Variants in DOCK2 observed in about 807,000 individuals in gnomAD.
The protein encoded by DOCK2 is dedicator of cytokinesis 2.
A neutral mutation model predicts 248.9 loss-of-function variants in DOCK2; 87 were observed. The ratio of observed to expected loss-of-function variants is 0.35; its 90% CI spans 0.29 to 0.42. The LOEUF (loss-of-function observed/expected upper bound fraction) is 0.42. DOCK2 is among the 10% of genes least tolerant of loss of function. The pLI is 1.00. For missense variants in DOCK2, 1,747 were observed against 2,300.2 expected, an observed-to-expected ratio of 0.76 and a Z score of 4.92; for synonymous variants, 805 against 821.6, an observed-to-expected ratio of 0.98 and a Z score of 0.35.
chr5:169,984,775 C>A (rs1778023662), intron 28 of DOCK2, among the ~76,000 whole-genome samples: 1 of 152,078 alleles, frequency 6.6e-6, no homozygotes, highest in Non-Finnish European at 1.5e-5. Context: ...AATTTGAAAA[C>A]CACCAACTTA....
At chr5:169,642,945 GT>G (rs558853493) in intron 1 of DOCK2, among the ~76,000 whole-genome samples, 10 of 147,704 alleles carry the variant, frequency 6.8e-5, no homozygotes, top group South Asian at 2.2e-4. Context: ...CTTTGGATTT[GT>G]TTTTTTTTTC....
In DOCK2 at chr5:169,654,489, G is replaced by A; in HGVS notation, c.127+3G>A. On this transcript the variant is annotated splice_donor_region_variant and intron_variant, in intron 2 of 51. Transcript: ENST00000520908. ...GCGAATACAGGAGACGTGTGGAGGT[G>A]AGTCACTGGCCCACGCCCCAAGTGC... The A allele has an allele frequency of 6.2e-7, 1 of 1,614,130 alleles. No homozygotes were observed. The highest frequency in any genetic ancestry group is 2.2e-5 in the East Asian group (1 of 44,894).
chr5:169,874,087 G>T (rs943167495), intron 27 of DOCK2, among the ~76,000 whole-genome samples: 3 of 147,042 alleles, frequency 2.0e-5, no homozygotes, highest in African/African-American at 7.4e-5. Context: ...TGGTCCAGAA[G>T]AATTTATGAG....
At chr5:170,079,258 G>T in intron 49 of DOCK2, 112 bp downstream of exon 49, 1 of 1,392,292 alleles carries the variant, frequency 7.2e-7, no homozygotes, top group Non-Finnish European at 9.7e-7. Context: ...TGCCACTGCG[G>T]TGCTATGGGT....
chr5:169,769,534 A>T (rs2113765616), intron 25 of DOCK2, among the ~76,000 whole-genome samples: 1 of 152,356 alleles, frequency 6.6e-6, no homozygotes, highest in South Asian at 2.1e-4. Context: ...TGCAGATATT[A>T]CCCTGATTCC....
Position 170,027,932 on chromosome 5 carries a change from C to G in DOCK2, c.3451C>G (p.Gln1151Glu), listed in dbSNP as rs1210969507. The change falls in exon 34 of 52, where the codon CAG (glutamine) becomes GAG (glutamate). Residue 1151 changes from glutamine to glutamate, a missense_variant. Physicochemically the swap from Gln to Glu is conservative, Grantham distance 29. Transcript: ENST00000520908. ...GGGCCGAGGCGACGAGCAGTACATG[C>G]AGCTCCTGGAGTCAATGTAAGTTCA... is the stretch of plus-strand genomic sequence containing the variant. Reference protein sequence around the residue: ...EGGRGDEQYMQLLESILMECA... With the variant: ...EGGRGDEQYMELLESILMECA... 13 of 1,613,086 alleles carry G rather than the reference C, an allele frequency of 8.1e-6. 1 individual carries two copies. The highest frequency in any genetic ancestry group is 6.7e-5 in the Admixed American group (4 of 59,950).
At chr5:170,022,986 G>C (rs1299982718) in intron 33 of DOCK2, among the ~76,000 whole-genome samples, 2 of 152,198 alleles carry the variant, frequency 1.3e-5, no homozygotes, top group Admixed American at 6.5e-5. Flanking sequence ...GACTGCTTGA[G>C]TAATCCCCTT....
At chr5:170,080,314 A>G in intron 50 of DOCK2, 31 bp downstream of exon 50, 1 of 1,612,930 alleles carries the variant, frequency 6.2e-7, no homozygotes, top group Non-Finnish European at 8.5e-7. Context: ...AGCATGAGGG[A>G]GTAGAGATAG....
At chr5:170,032,700 T>C (rs557299809) in intron 34 of DOCK2, among the ~76,000 whole-genome samples, 7 of 152,326 alleles carry the variant, frequency 4.6e-5, no homozygotes, top group African/African-American at 1.4e-4. Flanking sequence ...GCATCTCCCA[T>C]TGAGAGCCAG....
chr5:170,063,807 C>T (rs920909759), intron 44 of DOCK2, among the ~76,000 whole-genome samples: 1 of 152,274 alleles, frequency 6.6e-6, no homozygotes, highest in East Asian at 1.9e-4. Flanking sequence ...GGTCCAATTT[C>T]AACAACTATA....
chr5:169,864,193 G>GGGCA, intron 27 of DOCK2: 1 of 1,268,800 alleles, frequency 7.9e-7, no homozygotes, highest in Non-Finnish European at 1.1e-6. Flanking sequence ...CAAAGAAGCA[G>GGGCA]GGCAGGCCTT....
chr5:169,653,420 T>C (rs1367169892), intron 1 of DOCK2, among the ~76,000 whole-genome samples: 1 of 152,194 alleles, frequency 6.6e-6, no homozygotes, highest in Non-Finnish European at 1.5e-5. Context: ...TTTGTAGCTG[T>C]CACCAGCTAG....
intron 27 of DOCK2, among the ~76,000 whole-genome samples, chr5:169,938,725 T>A (rs259907): frequency 0.06 from 9,117 of 152,188 alleles, 633 homozygotes; most frequent in African/African-American, 0.17. Context: ...ATTAAAAATA[T>A]TTTTTCTTCA....
At chr5:169,860,070 A>G (rs539909073) in intron 27 of DOCK2, among the ~76,000 whole-genome samples, 2 of 144,596 alleles carry the variant, frequency 1.4e-5, no homozygotes, top group Non-Finnish European at 3.0e-5. Flanking sequence ...GGTTTAAGCT[A>G]TCCTCCTGCC....
At chr5:169,884,299 G>A (rs1172672525) in intron 27 of DOCK2, 1 of 160,270 alleles carries the variant, frequency 6.2e-6, no homozygotes. Flanking sequence ...TTAGGGGGTA[G>A]TGCCAGACTC....
intron 27 of DOCK2, among the ~76,000 whole-genome samples, chr5:169,952,287 G>A (rs1776693874): frequency 2.0e-5 from 3 of 152,122 alleles, no homozygotes; most frequent in Non-Finnish European, 4.4e-5. Flanking sequence ...AATTTATTGA[G>A]AACTTGTTGT....
rs1261240555 is a variant in DOCK2 at position 170,056,741 on chromosome 5, G to T, written c.4353G>T (p.Gly1451=). 7 of 1,614,016 alleles carry T rather than the reference G, an allele frequency of 4.3e-6. No homozygotes were observed. Among genetic ancestry groups the T allele is most frequent in the East Asian group, 2.2e-5 (1 of 44,872 alleles). Reference sequence around the variant, plus strand: ...ACTACTCCCGGCCCGTGCGCAGGGGGACCGTAGACCCAGAGAATGAGTTTG... The same window carrying T: ...ACTACTCCCGGCCCGTGCGCAGGGGTACCGTAGACCCAGAGAATGAGTTTG... ...RFHYSRPVRR[G]TVDPENEFAS... Residue 1451 remains glycine, a synonymous_variant, in exon 43 of 52, where the codon GGG becomes GGT. Coordinates refer to ENST00000520908, the MANE Select transcript of DOCK2 (RefSeq NM_004946.3).
At chr5:169,928,143 C>T (rs1303392514) in intron 27 of DOCK2, among the ~76,000 whole-genome samples, 1 of 152,200 alleles carries the variant, frequency 6.6e-6, no homozygotes, top group Non-Finnish European at 1.5e-5. Flanking sequence ...AACCCTTCCC[C>T]CTGCAACTCA....
intron 3 of DOCK2, among the ~76,000 whole-genome samples, chr5:169,669,890 T>C (rs1246512742): frequency 1.3e-5 from 2 of 152,178 alleles, no homozygotes; most frequent in Non-Finnish European, 2.9e-5. Flanking sequence ...TTCCAAGTAA[T>C]TGATAAACTT....
Sources: allele counts gnomAD v4.1 joint callset (sites outside exome capture counted in the v4.1 genomes callset), GRCh38; gene constraint gnomAD v4.1.1; transcripts MANE v1.5; gene names NCBI Gene and HGNC (gene_info 2026-07-23, HGNC 2026-07-21).